Variants in KBTBD12 observed in about 807,000 individuals in gnomAD.
KBTBD12 encodes the protein kelch repeat and BTB domain containing 12.
A neutral mutation model predicts 58.7 loss-of-function variants in KBTBD12; 53 were observed. The ratio of observed to expected loss-of-function variants is 0.90; its 90% CI spans 0.72 to 1.14. The LOEUF (loss-of-function observed/expected upper bound fraction) is 1.14. Ranked by LOEUF, KBTBD12 falls within the 50% of genes most tolerant of loss-of-function variation. The pLI is 0.00. For synonymous variants in KBTBD12, 236 were observed against 259.8 expected, an observed-to-expected ratio of 0.91 and a Z score of 0.88; for missense variants, 704 against 751.3, an observed-to-expected ratio of 0.94 and a Z score of 0.74.
At chr3:127,942,012 G>C (rs1939960619) in intron 4 of KBTBD12, among the ~76,000 whole-genome samples, 1 of 152,118 alleles carries the variant, frequency 6.6e-6, no homozygotes, top group African/African-American at 2.4e-5. Context: ...ATACAATAAA[G>C]AAAGATAAAG....
chr3:127,983,987 A>G (rs1940921923), intron 5 of KBTBD12, 110 bp from the exon 6 acceptor site: 1 of 790,388 alleles, frequency 1.3e-6, no homozygotes, highest in African/African-American at 1.7e-5. Flanking sequence ...CAGTAACAGC[A>G]AGTGGACTAA....
intron 4 of KBTBD12, among the ~76,000 whole-genome samples, chr3:127,956,723 A>C (rs755337418): frequency 7.9e-5 from 12 of 152,208 alleles, no homozygotes; most frequent in Non-Finnish European, 1.6e-4. Flanking sequence ...AGGAAAGCTT[A>C]ATGTTACAGA....
chr3:127,950,939 G>C (rs1940190124), intron 4 of KBTBD12, among the ~76,000 whole-genome samples: 1 of 152,122 alleles, frequency 6.6e-6, no homozygotes, highest in Non-Finnish European at 1.5e-5. Context: ...TGAGGCAGGA[G>C]AATCACTTGA....
At position 127,963,061 on chromosome 3, in the gene KBTBD12, AGCACCTG is replaced by A. The variant is rs1263841774; in HGVS notation, c.1493-124_1493-118del. On this transcript the variant is annotated intron_variant, in intron 4 of 5. Transcript: ENST00000405109. Reference sequence around the variant, plus strand: ...ATTGCTTAGAACTTGTCTTCAAGGTAGCACCTGGCAAGAAAGAGAAAAGTTACAGTCC... The same window carrying A: ...ATTGCTTAGAACTTGTCTTCAAGGTAGCAAGAAAGAGAAAAGTTACAGTCC... The A allele has an allele frequency of 5.3e-6, 4 of 748,390 alleles. No individual in the cohort carries two copies. In the African/African-American group the frequency reaches 7.1e-5, roughly 13 times the overall value. The allele number at this position is 748,390 out of a possible 1,614,324, so 46.4% of individuals were successfully genotyped here.
At chr3:127,951,640 A>G (rs1381662695) in intron 4 of KBTBD12, among the ~76,000 whole-genome samples, 2 of 152,118 alleles carry the variant, frequency 1.3e-5, no homozygotes, top group Non-Finnish European at 2.9e-5. Flanking sequence ...GGAGCATGGG[A>G]CTTTTCTGTA....
At chr3:127,982,754 C>T (rs1276111473) in intron 5 of KBTBD12, among the ~76,000 whole-genome samples, 1 of 152,228 alleles carries the variant, frequency 6.6e-6, no homozygotes, top group Admixed American at 6.5e-5. Context: ...GACAGCTCCC[C>T]TGTCCCAGCT....
At position 127,923,681 on chromosome 3, in the gene KBTBD12, A is replaced by T. The variant is rs1207534722; in HGVS notation, c.620A>T (p.Glu207Val). The T allele has an allele frequency of 6.2e-7, 1 of 1,613,728 alleles. No individual in the cohort carries two copies. Among genetic ancestry groups the T allele is most frequent in the Non-Finnish European group, 8.5e-7 (1 of 1,179,824 alleles). Reference sequence around the variant, plus strand: ...CTGAGATGGGTAAATCATAACAAAGAATTGCGTACAGTGCATCTTGTTGAG... The same window carrying T: ...CTGAGATGGGTAAATCATAACAAAGTATTGCGTACAGTGCATCTTGTTGAG... ...LVLRWVNHNK[E>V]LRTVHLVELL... Residue 207 changes from glutamate to valine, a missense_variant, in exon 2 of 6, where the codon GAA becomes GTA. Coordinates refer to ENST00000405109, the MANE Select transcript of KBTBD12 (RefSeq NM_207335.4).
intron 1 of KBTBD12, among the ~76,000 whole-genome samples, chr3:127,916,688 AAAAAC>A (rs1236606967): frequency 1.1e-4 from 17 of 151,342 alleles, no homozygotes; most frequent in African/African-American, 2.9e-4. Flanking sequence ...CTAATTTACC[AAAAAC>A]AAAACAAAAA....
At chr3:127,942,186 G>A (rs1384363648) in intron 4 of KBTBD12, among the ~76,000 whole-genome samples, 3 of 152,092 alleles carry the variant, frequency 2.0e-5, no homozygotes, top group Non-Finnish European at 4.4e-5. Context: ...AAAAATGTAT[G>A]TATTTAAGGC....
chr3:127,963,470 C>T (rs1940494595), intron 5 of KBTBD12, 84 bp downstream of exon 5: 1 of 1,268,002 alleles, frequency 7.9e-7, no homozygotes. Context: ...CACTAATATT[C>T]CTGAGAGCAA....
intron 1 of KBTBD12, among the ~76,000 whole-genome samples, chr3:127,921,781 A>G (rs1939416638): frequency 6.6e-6 from 1 of 152,174 alleles, no homozygotes; most frequent in Non-Finnish European, 1.5e-5. Context: ...GCATCCAAGC[A>G]AAATATTTAT....
intron 4 of KBTBD12, among the ~76,000 whole-genome samples, chr3:127,939,737 TA>T (rs1331905203): frequency 5.3e-5 from 8 of 150,792 alleles, no homozygotes; most frequent in Admixed American, 5.3e-4. Context: ...AATAAATCAG[TA>T]GATCTAAATC....
At chr3:127,938,567 T>C (rs960560476) in intron 4 of KBTBD12, among the ~76,000 whole-genome samples, 2 of 152,148 alleles carry the variant, frequency 1.3e-5, no homozygotes, top group Admixed American at 6.6e-5. Flanking sequence ...AGATATTAGA[T>C]GAAATGTACC....
chr3:127,963,453 C>A, intron 5 of KBTBD12, 67 bp downstream of exon 5: 3 of 1,352,660 alleles, frequency 2.2e-6, no homozygotes, highest in Non-Finnish European at 3.0e-6. Context: ...TTAACTGATC[C>A]AATCACCACT....
intron 4 of KBTBD12, among the ~76,000 whole-genome samples, chr3:127,962,272 T>C (rs1212988731): frequency 6.6e-6 from 1 of 152,200 alleles, no homozygotes; most frequent in Non-Finnish European, 1.5e-5. Flanking sequence ...GACCTTCCAG[T>C]GTGGACTTGG....
intron 4 of KBTBD12, among the ~76,000 whole-genome samples, chr3:127,954,833 TTAC>T (rs1457762333): frequency 1.3e-5 from 2 of 152,188 alleles, no homozygotes; most frequent in African/African-American, 4.8e-5. Context: ...GTGCCTTTGT[TTAC>T]CCTGTTCCCT....
At chr3:127,958,111 G>A (rs896640083) in intron 4 of KBTBD12, among the ~76,000 whole-genome samples, 3 of 152,138 alleles carry the variant, frequency 2.0e-5, no homozygotes, top group African/African-American at 7.2e-5. Context: ...GTGCCTCAGG[G>A]GCAGGGGCGG....
intron 4 of KBTBD12, among the ~76,000 whole-genome samples, chr3:127,960,570 T>C (rs147074657): frequency 6.6e-6 from 1 of 152,344 alleles, no homozygotes; most frequent in Admixed American, 6.5e-5. Flanking sequence ...ATTTCTCTTG[T>C]AGTGCTGGTG....
chr3:127,958,030 G>A (rs561208300), intron 4 of KBTBD12, among the ~76,000 whole-genome samples: 12 of 152,244 alleles, frequency 7.9e-5, no homozygotes, highest in East Asian at 1.9e-4. Flanking sequence ...CATTCTAGGC[G>A]GAGAGATCAG....
Sources: allele counts gnomAD v4.1 joint callset (sites outside exome capture counted in the v4.1 genomes callset), GRCh38; gene constraint gnomAD v4.1.1; transcripts MANE v1.5; gene names NCBI Gene and HGNC (gene_info 2026-07-23, HGNC 2026-07-21).